TENM2: variants seen among roughly 807,000 people sequenced by gnomAD.
The protein encoded by TENM2 is teneurin-2.
In TENM2, 52 loss-of-function variants were observed where a neutral mutation model predicts 245.2. The observed-to-expected ratio is 0.21, with a 90% CI of 0.17 to 0.27. TENM2 has a LOEUF of 0.27. TENM2 is among the 10% of genes least tolerant of loss of function. TENM2 has a pLI of 1.00. For missense variants in TENM2, 3,046 were observed against 3,666.8 expected, an observed-to-expected ratio of 0.83 and a Z score of 4.37; for synonymous variants, 1,363 against 1,438.9, an observed-to-expected ratio of 0.95 and a Z score of 1.19.
intron 12 of TENM2, among the ~76,000 whole-genome samples, chr5:168,128,690 A>T (rs1796028193): frequency 6.6e-6 from 1 of 152,268 alleles, no homozygotes; most frequent in Non-Finnish European, 1.5e-5. Context: ...CTACGGCCAG[A>T]GGGCCAAATC....
chr5:167,920,351 G>A (rs868763254), intron 3 of TENM2, among the ~76,000 whole-genome samples: 1,455 of 139,258 alleles, frequency 0.01, 51 homozygotes, highest in African/African-American at 0.039. Context: ...GAAAAAAAAA[G>A]AAAAAAAAAA....
chr5:167,631,834 A>G (rs1054774339), intron 2 of TENM2, among the ~76,000 whole-genome samples: 1 of 152,116 alleles, frequency 6.6e-6, no homozygotes, highest in Non-Finnish European at 1.5e-5. Flanking sequence ...ACTCTCATAA[A>G]TACTTTACCC....
At chr5:167,213,970 T>G in the TENM2 span, among the ~76,000 whole-genome samples, 38 of 152,318 alleles carry the variant, frequency 2.5e-4, no homozygotes, top group African/African-American at 8.9e-4. Context: ...AGGCATTGAT[T>G]ATTTGGACAG....
intron 8 of TENM2, among the ~76,000 whole-genome samples, chr5:168,093,047 C>T (rs1793076884): frequency 6.6e-6 from 1 of 152,212 alleles, no homozygotes; most frequent in Admixed American, 6.5e-5. Flanking sequence ...AGGTCACACA[C>T]AGCCAGGAAA....
At chr5:167,625,580 C>T (rs1263428541) in intron 2 of TENM2, among the ~76,000 whole-genome samples, 2 of 152,076 alleles carry the variant, frequency 1.3e-5, no homozygotes, top group Non-Finnish European at 2.9e-5. Context: ...AGGTAAAAAC[C>T]ACTATAAGTT....
intron 13 of TENM2, among the ~76,000 whole-genome samples, chr5:168,180,729 C>T (rs1240722295): frequency 6.6e-6 from 1 of 151,540 alleles, no homozygotes; most frequent in Non-Finnish European, 1.5e-5. Context: ...AACCCTGTCT[C>T]TACTAAAAAT....
intron 2 of TENM2, among the ~76,000 whole-genome samples, chr5:167,850,698 G>A (rs1770496363): frequency 6.6e-6 from 1 of 152,102 alleles, no homozygotes; most frequent in South Asian, 2.1e-4. Context: ...GAGGATGGGG[G>A]CTGCAAAGCT....
At chr5:168,072,813 A>G (rs1226465767) in intron 7 of TENM2, among the ~76,000 whole-genome samples, 1 of 152,202 alleles carries the variant, frequency 6.6e-6, no homozygotes, top group Non-Finnish European at 1.5e-5. Flanking sequence ...TAACTGGCCT[A>G]CAACACTTAT....
chr5:167,062,925 C>T, the TENM2 span, among the ~76,000 whole-genome samples: 1 of 152,128 alleles, frequency 6.6e-6, no homozygotes, highest in Non-Finnish European at 1.5e-5. Context: ...CAGAAAGAAA[C>T]ACAATCTTTC....
At chr5:167,920,264 G>A (rs966236223) in intron 3 of TENM2, among the ~76,000 whole-genome samples, 1 of 151,434 alleles carries the variant, frequency 6.6e-6, no homozygotes, top group African/African-American at 2.4e-5. Flanking sequence ...GGCCGAGGAG[G>A]GTGGATCATC....
the TENM2 span, among the ~76,000 whole-genome samples, chr5:167,061,658 A>C: frequency 1.3e-5 from 2 of 152,136 alleles, no homozygotes; most frequent in Non-Finnish European, 2.9e-5. Flanking sequence ...AAGAGTAAAA[A>C]ATATTCAAGC....
intron 23 of TENM2, among the ~76,000 whole-genome samples, chr5:168,222,359 G>C (rs1271702352): frequency 6.6e-6 from 1 of 152,170 alleles, no homozygotes; most frequent in Non-Finnish European, 1.5e-5. Flanking sequence ...CCCTCCAGAA[G>C]ACAGAAATGA....
intron 2 of TENM2, among the ~76,000 whole-genome samples, chr5:167,577,201 A>T (rs960458225): frequency 6.6e-6 from 1 of 152,208 alleles, no homozygotes; most frequent in Non-Finnish European, 1.5e-5. Context: ...TTTGGAAATG[A>T]TCAATTAACT....
intron 4 of TENM2, among the ~76,000 whole-genome samples, chr5:167,990,792 C>T (rs1783608292): frequency 6.6e-6 from 1 of 152,162 alleles, no homozygotes; most frequent in African/African-American, 2.4e-5. Context: ...ACATGATTGT[C>T]AGTCATATTG....
At chr5:167,569,962 G>A (rs1003766255) in intron 2 of TENM2, among the ~76,000 whole-genome samples, 13 of 152,144 alleles carry the variant, frequency 8.5e-5, no homozygotes, top group Admixed American at 5.9e-4. Flanking sequence ...GGAATTAACA[G>A]TTTCATCAAT....
intron 5 of TENM2, among the ~76,000 whole-genome samples, chr5:168,035,496 CAAAAAA>C (rs397949588): frequency 1.4e-5 from 1 of 69,242 alleles, no homozygotes; most frequent in African/African-American, 4.7e-5. Flanking sequence ...GACCCTGTCT[CAAAAAA>C]AAAAAAAAAA....
At chr5:167,550,770 C>G (rs1772887603) in intron 2 of TENM2, among the ~76,000 whole-genome samples, 1 of 144,924 alleles carries the variant, frequency 6.9e-6, no homozygotes. Flanking sequence ...TGCTCTGTTA[C>G]CCAGGCTGGA....
At chr5:167,316,006 C>T (rs1756342132) in intron 1 of TENM2, among the ~76,000 whole-genome samples, 1 of 152,278 alleles carries the variant, frequency 6.6e-6, no homozygotes, top group African/African-American at 2.4e-5. Context: ...CTACTCCCTG[C>T]AGGTCTCTGC....
Position 168,221,688 on chromosome 5 carries a change from G to A in TENM2, c.5108+2689G>A, listed in dbSNP as rs539990398. On this transcript the variant is annotated intron_variant, in intron 23 of 28. Coordinates refer to ENST00000518659, the Ensembl canonical transcript of TENM2. ...AGAAACTTCCAGGACATCCAACCGTGGAATTAAGATTTCCCCAGATGCAGG... is the reference window on the plus strand; with the variant it reads ...AGAAACTTCCAGGACATCCAACCGTAGAATTAAGATTTCCCCAGATGCAGG... 3.7e-4 allele frequency among the ~76,000 whole-genome samples: 57 copies of A among 152,272 alleles called. No individual in the cohort carries two copies. The South Asian group carries it at 3.9e-3, about 11-fold the overall frequency.
Sources: allele counts gnomAD v4.1 joint callset (sites outside exome capture counted in the v4.1 genomes callset), GRCh38; gene constraint gnomAD v4.1.1; transcripts MANE v1.5; gene names NCBI Gene and HGNC (gene_info 2026-07-23, HGNC 2026-07-21).